The following AK4 variants were observed in gnomAD, a reference collection of about 807,000 sequenced individuals.
AK4 encodes adenylate kinase 4, mitochondrial.
Under a neutral mutation model 24.6 loss-of-function variants are expected in AK4, and 13 were observed. The observed-to-expected ratio is 0.53, with a 90% CI of 0.34 to 0.84. The LOEUF is 0.84. Ranked by LOEUF, AK4 falls within the 40% of genes least tolerant of loss-of-function variation. The pLI, the probability that AK4 is intolerant of heterozygous loss-of-function variation, is 0.01. For missense variants in AK4, 192 were observed against 288.2 expected (o/e 0.67, Z 2.42); for synonymous variants, 88 against 107.0 (o/e 0.82, Z 1.10).
At position 65,163,833 on chromosome 1, in the gene AK4, G is replaced by A. The variant is rs187299576; in HGVS notation, c.145+15281G>A. On this transcript the variant is annotated intron_variant, in intron 1 of 4. Coordinates refer to ENST00000327299, the MANE Select transcript of AK4 (RefSeq NM_013410.4). ...GGGTGGGGCTTGGGAAGTGGGGAGTGCTGATTAGTCAGGTTGGAGATGGAA... is the reference window on the plus strand; with the variant it reads ...GGGTGGGGCTTGGGAAGTGGGGAGTACTGATTAGTCAGGTTGGAGATGGAA... 2.7e-3 allele frequency among the ~76,000 whole-genome samples: 406 copies of A among 152,196 alleles called. 4 individuals carry two copies. The highest frequency in any genetic ancestry group is 6.8e-3 in the Middle Eastern group (2 of 294).
chr1:65,204,250 G>C (rs1415315676), intron 2 of AK4, among the ~76,000 whole-genome samples: 1 of 150,852 alleles, frequency 6.6e-6, no homozygotes, highest in Non-Finnish European at 1.5e-5. Context: ...GCCCAGGCTG[G>C]AGTGCAGTGG....
intron 1 of AK4, among the ~76,000 whole-genome samples, chr1:65,164,617 GTCT>G (rs1275783831): frequency 1.3e-5 from 2 of 152,076 alleles, no homozygotes; most frequent in African/African-American, 2.4e-5. Flanking sequence ...TGGCTCATTT[GTCT>G]TCTTGTTGAA....
rs149952312 is a variant in AK4 at position 65,190,751 on chromosome 1, T to C, written c.187T>C (p.Leu63=). 6 of 1,614,026 alleles carry C rather than the reference T, an allele frequency of 3.7e-6. No individual in the cohort carries two copies. The highest frequency in any genetic ancestry group is 5.1e-6 in the Non-Finnish European group (6 of 1,180,028). ...MAKQYIEKSL[L]VPDHVITRLM... ...AAAGCAGTATATAGAGAAAAGTCTT[T>C]TGGTTCCAGACCATGTGATCACACG... The change falls in exon 2 of 5, where the codon TTG becomes CTG. Residue 63 remains leucine (L), a synonymous_variant. Coordinates refer to ENST00000327299, the MANE Select transcript of AK4 (RefSeq NM_013410.4).
intron 1 of AK4, among the ~76,000 whole-genome samples, chr1:65,160,966 A>G (rs1256919880): frequency 1.3e-5 from 2 of 152,084 alleles, no homozygotes; most frequent in Non-Finnish European, 2.9e-5. Context: ...GTTTCAGCAT[A>G]TGAATCTGGG....
chr1:65,159,956 G>A (rs1195855266), intron 1 of AK4, among the ~76,000 whole-genome samples: 1 of 137,570 alleles, frequency 7.3e-6, no homozygotes, highest in Non-Finnish European at 1.5e-5. Context: ...CAACAGCGCC[G>A]AGACTATGTC....
chr1:65,222,216 C>T (rs1410510657), intron 3 of AK4, among the ~76,000 whole-genome samples: 1 of 152,178 alleles, frequency 6.6e-6, no homozygotes, highest in East Asian at 1.9e-4. Flanking sequence ...TGAACTCTCC[C>T]TGTCCTGCTT....
At chr1:65,218,708 A>G in intron 2 of AK4, 46 bp from the exon 3 acceptor site, 1 of 1,510,056 alleles carries the variant, frequency 6.6e-7, no homozygotes, top group Non-Finnish European at 8.9e-7. Context: ...ACTAATTGGA[A>G]CTGGGCAATA....
chr1:65,184,056 G>C (rs1651006009), intron 1 of AK4, among the ~76,000 whole-genome samples: 1 of 152,130 alleles, frequency 6.6e-6, no homozygotes, highest in Non-Finnish European at 1.5e-5. Flanking sequence ...CAGTTTAATA[G>C]TCTTAAATCC....
intron 1 of AK4, among the ~76,000 whole-genome samples, chr1:65,190,451 G>C (rs868490679): frequency 8.3e-5 from 11 of 132,668 alleles, no homozygotes; most frequent in South Asian, 2.2e-4. Context: ...CCTTTTTTTG[G>C]GGGGGGGGCG....
chr1:65,175,151 C>T (rs967284668), intron 1 of AK4, among the ~76,000 whole-genome samples: 2 of 152,198 alleles, frequency 1.3e-5, no homozygotes, highest in African/African-American at 2.4e-5. Flanking sequence ...CCACTGGTAT[C>T]GTTGTTCTTG....
chr1:65,191,771 A>G lies in AK4; in HGVS notation c.265+942A>G, dbSNP rs552511714. On this transcript the variant is annotated intron_variant, in intron 2 of 4. Transcript: ENST00000327299. ...TGATCATATTTCTCTCAGAAAGACT[A>G]TTCTGTTAGCAGCACAGGAGAGATT... 2.0e-5 allele frequency among the ~76,000 whole-genome samples: 3 copies of G among 152,240 alleles called. No homozygotes were observed. The South Asian group carries it at 6.2e-4, about 32-fold the overall frequency.
In AK4 at chr1:65,192,316, G is replaced by A. The variant is rs116782943; in HGVS notation, c.265+1487G>A. Among the ~76,000 whole-genome samples the A allele has an allele frequency of 6.2e-3, 937 of 152,232 alleles. 4 individuals are homozygous for A. Among genetic ancestry groups the A allele is most frequent in the Non-Finnish European group, 0.011 (724 of 68,014 alleles). Reference sequence around the variant, plus strand: ...ATGCCTCTGAGAGGGAATGGGAGCCGAACTTATCCTTTTATCAGGAGCCTA... The same window carrying A: ...ATGCCTCTGAGAGGGAATGGGAGCCAAACTTATCCTTTTATCAGGAGCCTA... On this transcript the variant is annotated intron_variant, in intron 2 of 4. Transcript: ENST00000327299.
rs140811853 is a variant in AK4 at position 65,175,316 on chromosome 1, C to G, written c.146-15394C>G. Among the ~76,000 whole-genome samples the G allele has an allele frequency of 6.0e-3, 908 of 152,232 alleles. 10 individuals are homozygous for G. The highest frequency in any genetic ancestry group is 0.021 in the African/African-American group (874 of 41,544). ...GCTGAGCAGCACACATTTTTGGAGC[C>G]CTTGCTGTAGTTCTCCAACAGGGCA... On this transcript the variant is annotated intron_variant, in intron 1 of 4. Coordinates refer to ENST00000327299, the MANE Select transcript of AK4 (RefSeq NM_013410.4).
chr1:65,157,764 G>A (rs1650027660), intron 1 of AK4, among the ~76,000 whole-genome samples: 1 of 152,012 alleles, frequency 6.6e-6, no homozygotes, highest in African/African-American at 2.4e-5. Context: ...ACTCCAGCCT[G>A]GGCAACAGAG....
At position 65,224,842 on chromosome 1, in the gene AK4, G is replaced by T. The variant is rs778627421; in HGVS notation, c.529G>T (p.Val177Leu). The T allele has an allele frequency of 4.3e-6, 7 of 1,613,700 alleles. No individual in the cohort carries two copies. The South Asian group carries it at 7.7e-5, about 18-fold the overall frequency. ...TGCCAGGCTAAGACAGTACAAAGAC[G>T]TGGCAAAGCCAGTCATTGAATTATA... ...VAARLRQYKD[V>L]AKPVIELYKS... is the part of the protein sequence containing the mutation. Residue 177 changes from valine (V) to leucine (L), a missense_variant, in exon 4 of 5, where the codon GTG becomes TTG. Physicochemically the swap from Val to Leu is conservative, Grantham distance 32 (BLOSUM62 1). Transcript: ENST00000327299.
At chr1:65,197,013 A>G (rs1420492912) in intron 2 of AK4, among the ~76,000 whole-genome samples, 1 of 152,074 alleles carries the variant, frequency 6.6e-6, no homozygotes, top group Non-Finnish European at 1.5e-5. Flanking sequence ...ATCAGATCTC[A>G]TGAAACTTAC....
intron 2 of AK4, among the ~76,000 whole-genome samples, chr1:65,217,540 C>T (rs1004577892): frequency 2.0e-5 from 3 of 152,102 alleles, no homozygotes; most frequent in African/African-American, 7.2e-5. Flanking sequence ...GTAGATCCAG[C>T]AAGATTTTTG....
At chr1:65,158,604 G>T (rs961765882) in intron 1 of AK4, among the ~76,000 whole-genome samples, 1 of 152,084 alleles carries the variant, frequency 6.6e-6, no homozygotes, top group Non-Finnish European at 1.5e-5. Flanking sequence ...GGGTTCAAGC[G>T]ATTCTTGTGC....
chr1:65,149,991 G>A (rs1649711742), intron 1 of AK4, among the ~76,000 whole-genome samples: 1 of 152,182 alleles, frequency 6.6e-6, no homozygotes, highest in Admixed American at 6.5e-5. Flanking sequence ...TAGGGGCATG[G>A]AGTCAGTGAA....
Sources: allele counts gnomAD v4.1 joint callset (sites outside exome capture counted in the v4.1 genomes callset), GRCh38; gene constraint gnomAD v4.1.1; transcripts MANE v1.5; gene names NCBI Gene and HGNC (gene_info 2026-07-23, HGNC 2026-07-21).